The following CPS1 variants were observed in gnomAD, a reference collection of about 807,000 sequenced individuals.
The protein encoded by CPS1 is carbamoyl-phosphate synthase 1.
In CPS1, 109 loss-of-function variants were observed where a neutral mutation model predicts 174.6. That is an observed-to-expected ratio of 0.62 (90% CI 0.53 to 0.73). The LOEUF (loss-of-function observed/expected upper bound fraction) is 0.73, where lower values mean the gene tolerates loss of function less well. Among genes scored for constraint, CPS1 ranks in the 30% least tolerant of loss-of-function variants. The pLI is 0.00. For missense variants in CPS1, 1,689 were observed against 1,821.9 expected, an observed-to-expected ratio of 0.93 and a Z score of 1.33; for synonymous variants, 637 against 632.0, an observed-to-expected ratio of 1.01 and a Z score of -0.12.
chr2:210,494,438 T>G (rs1481483289), intron 1 of CPS1, among the ~76,000 whole-genome samples: 2 of 152,128 alleles, frequency 1.3e-5, no homozygotes, highest in Non-Finnish European at 2.9e-5. Context: ...TTGTCAGAAG[T>G]CTTATAACTC....
At position 210,591,835 on chromosome 2, in the gene CPS1, C is replaced by A. The variant is rs1335664604; in HGVS notation, c.952C>A (p.Gln318Lys). The A allele has an allele frequency of 6.2e-7, 1 of 1,612,132 alleles. No individual in the cohort carries two copies. The highest frequency in any genetic ancestry group is 2.2e-5 in the East Asian group (1 of 44,836). ...TYKMSMANRG[Q>K]NQPVLNITNK... ...TTTTTCTCCTTTTCTCTCCAGAGGG[C>A]AGAATCAGCCTGTTTTGAATATCAC... Residue 318 changes from glutamine to lysine, a missense_variant, in exon 10 of 38, where the codon CAG becomes AAG. Transcript: ENST00000233072.
chr2:210,608,155 T>C (rs1698985876), intron 18 of CPS1, among the ~76,000 whole-genome samples: 1 of 151,894 alleles, frequency 6.6e-6, no homozygotes, highest in African/African-American at 2.4e-5. Flanking sequence ...GAGTAAATTC[T>C]CCTGTGACCT....
At chr2:210,599,254 A>T (rs968632708) in intron 13 of CPS1, 118 bp from the exon 14 acceptor site, 2 of 858,962 alleles carry the variant, frequency 2.3e-6, no homozygotes. Flanking sequence ...CCTGTTACGG[A>T]TCTCTACGGC....
chr2:210,591,292 T>G (rs972949822), intron 9 of CPS1, among the ~76,000 whole-genome samples: 10 of 152,014 alleles, frequency 6.6e-5, no homozygotes, highest in Non-Finnish European at 1.2e-4. Context: ...TTCAGAACAT[T>G]GTAACATTTT....
chr2:210,612,794 A>T (rs1477666502), intron 20 of CPS1, among the ~76,000 whole-genome samples: 1 of 151,962 alleles, frequency 6.6e-6, no homozygotes, highest in Non-Finnish European at 1.5e-5. Flanking sequence ...GGCCCACATG[A>T]TTATAGGGTT....
intron 1 of CPS1, among the ~76,000 whole-genome samples, chr2:210,503,117 T>A (rs1695191255): frequency 6.6e-6 from 1 of 152,190 alleles, no homozygotes; most frequent in Admixed American, 6.5e-5. Context: ...TAACTCTTCC[T>A]AACTCTACAG....
rs549490634 is a variant in CPS1, at chr2:210,513,047, T to G, written c.3+35281T>G. ...CTATATATTTATATATATATGGAGA[T>G]ATATATATATGGAGATATATATGTG... On this transcript the variant is annotated intron_variant, in intron 1 of 38. Transcript: ENST00000430249. Among the ~76,000 whole-genome samples the G allele has an allele frequency of 2.0e-3, 26 of 12,762 alleles. 8 individuals are homozygous for G. The highest frequency in any genetic ancestry group is 3.7e-3 in the African/African-American group (26 of 7,070). The allele number at this position is 12,762 out of a possible 152,430, so 8.4% of individuals were successfully genotyped here.
intron 21 of CPS1, among the ~76,000 whole-genome samples, chr2:210,626,424 T>A (rs1222011571): frequency 6.6e-6 from 1 of 152,132 alleles, no homozygotes; most frequent in Non-Finnish European, 1.5e-5. Context: ...ATTCACAAAA[T>A]TATTAATTAG....
chr2:210,666,213 A>C (rs1486545378), intron 33 of CPS1, among the ~76,000 whole-genome samples: 5 of 150,344 alleles, frequency 3.3e-5, no homozygotes, highest in South Asian at 2.1e-4. Context: ...TTCATTGTAG[A>C]TTCTGGATAT....
intron 1 of CPS1, chr2:210,519,624 A>C (rs1258635173): frequency 3.2e-6 from 1 of 309,686 alleles, no homozygotes; most frequent in Non-Finnish European, 4.7e-6. Flanking sequence ...CCTGCCCTAC[A>C]TGGATTTTGA....
chr2:210,516,099 A>G (rs78174253), intron 1 of CPS1, among the ~76,000 whole-genome samples: 107 of 151,920 alleles, frequency 7.0e-4, no homozygotes, highest in South Asian at 2.3e-3. Context: ...TTGAAATTCA[A>G]TAAATTTGAA....
At chr2:210,584,825 T>G (rs1698053628) in intron 6 of CPS1, among the ~76,000 whole-genome samples, 1 of 152,202 alleles carries the variant, frequency 6.6e-6, no homozygotes, top group South Asian at 2.1e-4. Context: ...ATTTCTAGAT[T>G]TATGTTCCAT....
At chr2:210,509,538 A>T (rs567992310) in intron 1 of CPS1, among the ~76,000 whole-genome samples, 3 of 152,326 alleles carry the variant, frequency 2.0e-5, no homozygotes, top group Non-Finnish European at 4.4e-5. Flanking sequence ...CAGGGCAATC[A>T]GGCAGGAGAA....
At chr2:210,584,386 A>T (rs1698033821) in intron 6 of CPS1, among the ~76,000 whole-genome samples, 1 of 152,128 alleles carries the variant, frequency 6.6e-6, no homozygotes, top group South Asian at 2.1e-4. Flanking sequence ...CCAAGTAGAA[A>T]GTGAGTGTTA....
intron 9 of CPS1, 144 bp from the exon 10 acceptor site, chr2:210,591,687 C>T: frequency 2.4e-6 from 2 of 844,694 alleles, no homozygotes; most frequent in Non-Finnish European, 3.6e-6. Context: ...CAATCTGTGA[C>T]TTTTCTCACA....
At chr2:210,584,754 C>T (rs545501539) in intron 6 of CPS1, among the ~76,000 whole-genome samples, 101 of 152,038 alleles carry the variant, frequency 6.6e-4, no homozygotes, top group Non-Finnish European at 1.2e-3. Context: ...CTGTGGCTAA[C>T]CTCATGCTAT....
chr2:210,638,886 G>A (rs1413242596), intron 22 of CPS1, among the ~76,000 whole-genome samples: 1 of 152,066 alleles, frequency 6.6e-6, no homozygotes, highest in African/African-American at 2.4e-5. Flanking sequence ...TTGACTATAG[G>A]ACCACTTTGC....
chr2:210,484,988 G>A lies in CPS1; in HGVS notation c.3+7222G>A, dbSNP rs182151349. On this transcript the variant is annotated intron_variant, in intron 1 of 38. Transcript: ENST00000430249. ...TCACGCCTGTAATCCCAGCACTTTG[G>A]GAGGCTGAGGTGGGCAGATCATGAG... 1.4e-3 allele frequency among the ~76,000 whole-genome samples: 210 copies of A among 152,118 alleles called. 3 individuals are homozygous for A. In the South Asian group the frequency reaches 0.021, roughly 15 times the overall value.
chr2:210,653,870 C>T (rs920043598), intron 28 of CPS1, among the ~76,000 whole-genome samples, 155 bp from the exon 29 acceptor site: 7 of 152,174 alleles, frequency 4.6e-5, no homozygotes, highest in Admixed American at 4.6e-4. Flanking sequence ...GTTCTTACAG[C>T]ACAGATTAGG....
Sources: gnomAD v4.1 joint callset for allele counts (sites outside exome capture counted in the v4.1 genomes callset) on GRCh38, gnomAD v4.1.1 for gene constraint, MANE v1.5 for transcripts, NCBI Gene and HGNC (gene_info 2026-07-23, HGNC 2026-07-21) for gene names.